The following CFAP43 variants were observed in gnomAD, a reference collection of about 807,000 sequenced individuals.
CFAP43 encodes cilia- and flagella-associated protein 43.
In CFAP43, 155 loss-of-function variants were observed where a neutral mutation model predicts 218.9. The observed-to-expected ratio is 0.71, with a 90% CI of 0.62 to 0.81. CFAP43 has a LOEUF of 0.81. CFAP43 is among the 30% of genes least tolerant of loss of function. CFAP43 has a pLI of 0.00. For synonymous variants in CFAP43, 645 were observed against 681.3 expected (o/e 0.95, Z 0.83); for missense variants, 1,778 against 1,954.3 (o/e 0.91, Z 1.70).
intron 8 of CFAP43, among the ~76,000 whole-genome samples, chr10:104,198,669 G>T (rs1445404286): frequency 6.6e-6 from 1 of 151,744 alleles, no homozygotes; most frequent in Non-Finnish European, 1.5e-5. Context: ...TTGTGTGTGT[G>T]TGACTGAGTC....
rs1271962856 is a variant in CFAP43 at position 104,218,944 on chromosome 10, C to T, written c.417-4518G>A. 2.1e-5 allele frequency: 9 copies of T among 433,290 alleles called. No individual in the cohort carries two copies. In the East Asian group the frequency reaches 3.8e-4, roughly 18 times the overall value. 26.8% of individuals were successfully genotyped at this position (433,290 alleles called of 1,614,324 possible). A position where few individuals can be genotyped will look rare whatever the true frequency, so the allele number is the denominator to read the frequency against. Reference sequence around the variant, plus strand: ...AGCCACCACACCAACCACAGCTGCTCGTGCCCAGACAACTGCATGTGACAG... The same window carrying T: ...AGCCACCACACCAACCACAGCTGCTTGTGCCCAGACAACTGCATGTGACAG... On this transcript the variant is annotated intron_variant, in intron 3 of 37. Transcript: ENST00000357060.
At chr10:104,142,540 C>T in intron 32 of CFAP43, 147 bp from the exon 33 acceptor site, 1 of 548,856 alleles carries the variant, frequency 1.8e-6, no homozygotes, top group Non-Finnish European at 3.1e-6. Flanking sequence ...ATGTCTAAAA[C>T]TTACATGGTA....
intron 27 of CFAP43, 33 bp downstream of exon 27, chr10:104,161,004 T>C (rs375752402): frequency 1.3e-6 from 2 of 1,570,462 alleles, no homozygotes; most frequent in South Asian, 1.1e-5. Flanking sequence ...ACTCTGGATA[T>C]GGTAGGTTAT....
chr10:104,155,432 C>A (rs1046544416), intron 27 of CFAP43, among the ~76,000 whole-genome samples: 1 of 152,168 alleles, frequency 6.6e-6, no homozygotes, highest in Non-Finnish European at 1.5e-5. Flanking sequence ...ATAGATGGCA[C>A]CCTGAACTTG....
intron 7 of CFAP43, among the ~76,000 whole-genome samples, chr10:104,204,887 T>C (rs369469790): frequency 1.3e-5 from 2 of 152,186 alleles, no homozygotes; most frequent in African/African-American, 4.8e-5. Flanking sequence ...TTCCACACCT[T>C]AGCATTGTTT....
Position 104,143,656 on chromosome 10 carries a change from A to G in CFAP43, c.3945-17T>C. 1 of 1,612,098 alleles carries G rather than the reference A, an allele frequency of 6.2e-7. No homozygotes were observed. The highest frequency in any genetic ancestry group is 1.3e-5 in the African/African-American group (1 of 74,978). On this transcript the variant is annotated splice_polypyrimidine_tract_variant and intron_variant, in intron 31 of 37. Coordinates refer to ENST00000357060, the MANE Select transcript of CFAP43 (RefSeq NM_025145.7). ...TTGGAAATCCTGGTATTACCAAGAA[A>G]AGCCCATCAACATTTCACATTCTCA...
At chr10:104,203,824 CAT>C in intron 7 of CFAP43, 21 bp from the exon 8 acceptor site, 2 of 1,578,228 alleles carry the variant, frequency 1.3e-6, no homozygotes, top group Middle Eastern at 1.9e-4. Flanking sequence ...GTGAGATAAA[CAT>C]AGAAAATCAG....
At chr10:104,207,617 A>G in intron 6 of CFAP43, 48 bp downstream of exon 6, 1 of 1,545,330 alleles carries the variant, frequency 6.5e-7, no homozygotes, top group Non-Finnish European at 8.7e-7. Flanking sequence ...AACCAAAAAA[A>G]CCAACACCCA....
intron 27 of CFAP43, 61 bp from the exon 28 acceptor site, chr10:104,152,787 T>G (rs2088336280): frequency 6.5e-7 from 1 of 1,548,998 alleles, no homozygotes; most frequent in Non-Finnish European, 8.7e-7. Flanking sequence ...TAGGAAGTGA[T>G]GTTTACATTT....
chr10:104,210,425 G>GGC (rs1212345049), intron 5 of CFAP43, among the ~76,000 whole-genome samples: 43 of 152,270 alleles, frequency 2.8e-4, no homozygotes, highest in Non-Finnish European at 1.6e-4. Context: ...GGAGTGCAAT[G>GGC]GTGCAATCTT....
chr10:104,205,079 G>A (rs2090640018), intron 7 of CFAP43, among the ~76,000 whole-genome samples: 1 of 152,052 alleles, frequency 6.6e-6, no homozygotes. Context: ...AGGGCGTGGT[G>A]GTGTGCACCT....
intron 19 of CFAP43, among the ~76,000 whole-genome samples, chr10:104,173,216 C>CT (rs34866536): frequency 6.6e-6 from 1 of 152,098 alleles, no homozygotes; most frequent in Non-Finnish European, 1.5e-5. Flanking sequence ...AACAATTTTT[C>CT]TTTTTTGCCC....
intron 25 of CFAP43, 55 bp downstream of exon 25, chr10:104,162,262 C>G: frequency 1.3e-6 from 2 of 1,516,512 alleles, no homozygotes; most frequent in Non-Finnish European, 1.8e-6. Context: ...AACTAGGAAG[C>G]AGTATCCCTA....
At chr10:104,224,082 C>T (rs2091249144) in intron 3 of CFAP43, among the ~76,000 whole-genome samples, 1 of 152,128 alleles carries the variant, frequency 6.6e-6, no homozygotes, top group Non-Finnish European at 1.5e-5. Flanking sequence ...CTTGCTCTGT[C>T]GCCAAGGCTG....
chr10:104,200,084 T>G (rs2090487926), intron 8 of CFAP43, among the ~76,000 whole-genome samples: 1 of 152,196 alleles, frequency 6.6e-6, no homozygotes, highest in Non-Finnish European at 1.5e-5. Context: ...CTAGATTAAG[T>G]AAATTTACTG....
At position 104,130,015 on chromosome 10, in the gene CFAP43, A is replaced by G. The variant is rs950441693; in HGVS notation, c.*124T>C. 8.4e-7 allele frequency: 1 copy of G among 1,195,588 alleles called. No individual in the cohort carries two copies. Among genetic ancestry groups the G allele is most frequent in the African/African-American group, 1.6e-5 (1 of 62,990 alleles). The allele number at this position is 1,195,588 out of a possible 1,614,324, so 74.1% of individuals were successfully genotyped here. On this transcript the variant is annotated 3_prime_UTR_variant, in exon 38 of 38. Coordinates refer to ENST00000357060, the MANE Select transcript of CFAP43 (RefSeq NM_025145.7). ...CTAAAATTAAACAATTTTTTATCTA[A>G]AACATGCAACTCAGAGGACATGCTA...
intron 36 of CFAP43, 105 bp from the exon 37 acceptor site, chr10:104,131,589 G>A (rs1455606559): frequency 3.1e-6 from 4 of 1,277,116 alleles, no homozygotes; most frequent in Non-Finnish European, 4.2e-6. Context: ...TCATCATTAA[G>A]ATAACATCTT....
At chr10:104,169,225 G>T (rs1054439280) in intron 20 of CFAP43, among the ~76,000 whole-genome samples, 6 of 152,178 alleles carry the variant, frequency 3.9e-5, no homozygotes, top group African/African-American at 1.4e-4. Flanking sequence ...CAAAACCACT[G>T]AGCGAAGTCT....
At chr10:104,145,681 T>A in intron 30 of CFAP43, 117 bp from the exon 31 acceptor site, 1 of 573,674 alleles carries the variant, frequency 1.7e-6, no homozygotes, top group Non-Finnish European at 3.0e-6. Context: ...CATGAAACCT[T>A]GATTTACAAA....
Sources: gnomAD v4.1 joint callset for allele counts (sites outside exome capture counted in the v4.1 genomes callset) on GRCh38, gnomAD v4.1.1 for gene constraint, MANE v1.5 for transcripts, NCBI Gene and HGNC (gene_info 2026-07-23, HGNC 2026-07-21) for gene names.